Variants in TMEM132D observed in about 807,000 individuals in gnomAD.
The protein encoded by TMEM132D is mature OL transmembrane protein.
Under a neutral mutation model 62.3 loss-of-function variants are expected in TMEM132D, and 21 were observed. That is an observed-to-expected ratio of 0.34 (90% CI 0.24 to 0.49). The LOEUF (loss-of-function observed/expected upper bound fraction) is 0.49, where lower values mean the gene tolerates loss of function less well. Ranked by LOEUF, TMEM132D falls within the 20% of genes least tolerant of loss-of-function variation. The probability of loss-of-function intolerance (pLI) is 0.99; values close to 1 mark genes in which losing one functional copy is unlikely to be tolerated. For synonymous variants in TMEM132D, 621 were observed against 575.6 expected (o/e 1.08, Z -1.13); for missense variants, 1,346 against 1,402.8 (o/e 0.96, Z 0.65).
chr12:129,796,728 G>A (rs1871572347), intron 1 of TMEM132D, among the ~76,000 whole-genome samples: 1 of 152,128 alleles, frequency 6.6e-6, no homozygotes, highest in Admixed American at 6.5e-5. Flanking sequence ...AGGGCCTGTT[G>A]GAGGGTGGGG....
At chr12:129,199,090 A>G (rs1305931714) in intron 5 of TMEM132D, among the ~76,000 whole-genome samples, 1 of 144,788 alleles carries the variant, frequency 6.9e-6, no homozygotes, top group Non-Finnish European at 1.5e-5. Context: ...TTGCTATAAC[A>G]CGTCCATCTA....
chr12:129,168,507 A>G (rs932913330), intron 5 of TMEM132D, among the ~76,000 whole-genome samples: 3 of 152,132 alleles, frequency 2.0e-5, no homozygotes, highest in Non-Finnish European at 4.4e-5. Context: ...CATGTCATAT[A>G]CATGGAGTTA....
At position 129,577,282 on chromosome 12, in the gene TMEM132D, C is replaced by T. The variant is rs992110546; in HGVS notation, c.969-46077G>A. ...CTTGCCAAAACAGCAGCAGGAGGCA[C>T]CCACAAAATTACTACAGTAGTGCAG... On this transcript the variant is annotated intron_variant, in intron 2 of 8. Coordinates refer to ENST00000422113, the MANE Select transcript of TMEM132D (RefSeq NM_133448.3). Among the ~76,000 whole-genome samples, 8 of 151,698 alleles carry T rather than the reference C, an allele frequency of 5.3e-5. 1 individual carries two copies. The highest frequency in any genetic ancestry group is 1.9e-4 in the African/African-American group (8 of 41,070).
At chr12:129,687,085 C>A (rs1332041587) in intron 2 of TMEM132D, among the ~76,000 whole-genome samples, 1 of 152,170 alleles carries the variant, frequency 6.6e-6, no homozygotes, top group Non-Finnish European at 1.5e-5. Flanking sequence ...GCAAGGTTGT[C>A]CTGAGTACTG....
chr12:129,665,327 T>C (rs959466642), intron 2 of TMEM132D, among the ~76,000 whole-genome samples: 2 of 152,104 alleles, frequency 1.3e-5, no homozygotes, highest in African/African-American at 2.4e-5. Context: ...TGTACCAGCA[T>C]TGGAAGCTGC....
rs761116727 is a variant in TMEM132D at position 129,331,307 on chromosome 12, C to T, written c.1299+6327G>A. On this transcript the variant is annotated intron_variant, in intron 4 of 8. Coordinates refer to ENST00000422113, the MANE Select transcript of TMEM132D (RefSeq NM_133448.3). Reference sequence around the variant, plus strand: ...TCTTCAGGGCTGGGTTTGGCAGATGCGTCTGTATGTATCCTTATGCCATTG... The same window carrying T: ...TCTTCAGGGCTGGGTTTGGCAGATGTGTCTGTATGTATCCTTATGCCATTG... Among the ~76,000 whole-genome samples, 6 of 152,304 alleles carry T rather than the reference C, an allele frequency of 3.9e-5. No individual in the cohort carries two copies. In the South Asian group the frequency reaches 6.2e-4, roughly 16 times the overall value.
At chr12:129,302,871 G>T (rs945440787) in intron 4 of TMEM132D, among the ~76,000 whole-genome samples, 2 of 152,110 alleles carry the variant, frequency 1.3e-5, no homozygotes, top group African/African-American at 4.8e-5. Flanking sequence ...ATAAAGCAAG[G>T]GACAGAGGCC....
chr12:129,499,853 A>G (rs1875074729), intron 3 of TMEM132D, among the ~76,000 whole-genome samples: 2 of 152,160 alleles, frequency 1.3e-5, no homozygotes, highest in South Asian at 4.1e-4. Context: ...CCCTTCAATC[A>G]GTTACCTCCA....
At chr12:129,455,758 A>G (rs1873445239) in intron 3 of TMEM132D, among the ~76,000 whole-genome samples, 1 of 152,230 alleles carries the variant, frequency 6.6e-6, no homozygotes, top group Admixed American at 6.5e-5. Flanking sequence ...AAAGCATAAA[A>G]GAGCATGTCT....
At chr12:129,619,831 T>A (rs370903954) in intron 2 of TMEM132D, among the ~76,000 whole-genome samples, 1 of 152,196 alleles carries the variant, frequency 6.6e-6, no homozygotes, top group Non-Finnish European at 1.5e-5. Context: ...TTAAATATCA[T>A]CAGAAATAGT....
intron 1 of TMEM132D, among the ~76,000 whole-genome samples, chr12:129,781,008 G>A (rs971833460): frequency 1.3e-5 from 2 of 152,202 alleles, no homozygotes; most frequent in African/African-American, 4.8e-5. Flanking sequence ...CTGCTGGGGG[G>A]TGACAGCAGC....
rs1877985123 is a variant in TMEM132D, at chr12:129,585,033, G to A, written c.969-53828C>T. Among the ~76,000 whole-genome samples the A allele has an allele frequency of 2.6e-5, 4 of 152,288 alleles. No homozygotes were observed. In the South Asian group the frequency reaches 8.3e-4, roughly 32 times the overall value. On this transcript the variant is annotated intron_variant, in intron 2 of 8. Transcript: ENST00000422113. ...AAATGAAGAAAATACTAGTATCACT[G>A]AGGTATGGATTTGAGAATTAAAGAA... is the stretch of plus-strand genomic sequence containing the variant.
intron 1 of TMEM132D, among the ~76,000 whole-genome samples, chr12:129,727,509 A>G (rs1325592507): frequency 6.6e-6 from 1 of 152,214 alleles, no homozygotes; most frequent in Non-Finnish European, 1.5e-5. Flanking sequence ...TTCGACATGA[A>G]TTTTGTAGAA....
chr12:129,587,767 GACAACAAAACAA>G (rs1489757935), intron 2 of TMEM132D, among the ~76,000 whole-genome samples: 3 of 152,136 alleles, frequency 2.0e-5, no homozygotes, highest in African/African-American at 4.8e-5. Flanking sequence ...CACAAAGTAT[GACAACAAAACAA>G]ACAACAAAAC....
At chr12:129,766,560 T>G (rs892250433) in intron 1 of TMEM132D, among the ~76,000 whole-genome samples, 1 of 152,182 alleles carries the variant, frequency 6.6e-6, no homozygotes, top group Non-Finnish European at 1.5e-5. Context: ...TGAGCTGCCC[T>G]TTCTTACCTA....
Position 129,074,570 on chromosome 12 carries a change from C to T in TMEM132D, c.2605G>A (p.Glu869Lys), listed in dbSNP as rs767399445. ...RSILQKKKGQ[E>K]SLLDDNSHLQ... ...TGGCTGTTGTCATCTAAAAGGCTTT[C>T]CTGGCCTTTCTTCTTCTGCAGGATG... Residue 869 changes from glutamate to lysine, a missense_variant, in exon 9 of 9, where the codon GAA (glutamate) becomes AAA (lysine). Glu to Lys is a moderately conservative substitution (Grantham distance 56, BLOSUM62 1). Coordinates refer to ENST00000422113, the MANE Select transcript of TMEM132D (RefSeq NM_133448.3). 17 of 1,614,082 alleles carry T rather than the reference C, an allele frequency of 1.1e-5. 1 individual carries two copies. In the South Asian group the frequency reaches 1.1e-4, roughly 10 times the overall value.
chr12:129,587,230 T>G (rs879824775), intron 2 of TMEM132D, among the ~76,000 whole-genome samples: 11 of 152,152 alleles, frequency 7.2e-5, no homozygotes, highest in Non-Finnish European at 1.6e-4. Context: ...TGAGATCATG[T>G]CCTTTACAGG....
chr12:129,888,824 T>C (rs1472613035), intron 1 of TMEM132D, among the ~76,000 whole-genome samples: 1 of 152,206 alleles, frequency 6.6e-6, no homozygotes, highest in Admixed American at 6.5e-5. Flanking sequence ...ACTCTTCCCC[T>C]ACTTTCATAC....
Position 129,817,736 on chromosome 12 carries a change from GGT to G in TMEM132D, c.79+85523_79+85524del, listed in dbSNP as rs1046436132. Among the ~76,000 whole-genome samples the G allele has an allele frequency of 2.0e-4, 29 of 146,614 alleles. No individual in the cohort carries two copies. In the East Asian group the frequency reaches 5.5e-3, roughly 28 times the overall value. On this transcript the variant is annotated intron_variant, in intron 1 of 8. Transcript: ENST00000422113. ...GTGCCTTGGGGTGTGTGTGGTGTAAGGTGTGTGTGTGGTGTGGGGTATGTGTG... is the reference window on the plus strand; with the variant it reads ...GTGCCTTGGGGTGTGTGTGGTGTAAGGTGTGTGTGGTGTGGGGTATGTGTG...
Sources: gnomAD v4.1 joint callset for allele counts (sites outside exome capture counted in the v4.1 genomes callset) on GRCh38, gnomAD v4.1.1 for gene constraint, MANE v1.5 for transcripts, NCBI Gene and HGNC (gene_info 2026-07-23, HGNC 2026-07-21) for gene names.